Variants in NPIPA6 observed in about 807,000 individuals in gnomAD.
The protein encoded by NPIPA6 is nuclear pore complex interacting protein family, member A6.
chr16:16,343,638 C>T, the NPIPA6 span, among the ~76,000 whole-genome samples: 145 of 123,722 alleles, frequency 1.2e-3, no homozygotes, highest in African/African-American at 4.1e-3. Flanking sequence ...TCAGGTTATC[C>T]GCCTGCCTCG....
the NPIPA6 span, among the ~76,000 whole-genome samples, chr16:16,338,309 TA>T: frequency 1.1e-5 from 1 of 92,166 alleles, no homozygotes; most frequent in African/African-American, 5.4e-5. Context: ...CATAAGAGTC[TA>T]ATGGAATTAA....
At chr16:16,336,312 G>A in the NPIPA6 span, among the ~76,000 whole-genome samples, 2 of 18,198 alleles carry the variant, frequency 1.1e-4, no homozygotes, top group Non-Finnish European at 2.4e-4. Flanking sequence ...CTAAGGGAGG[G>A]CCCAGACCGA....
the NPIPA6 span, among the ~76,000 whole-genome samples, chr16:16,343,397 T>TA: frequency 0.023 from 293 of 12,922 alleles, 46 homozygotes; most frequent in African/African-American, 0.096. Context: ...GGCCTATATA[T>TA]TTTTTTTTTT....
At chr16:16,343,712 GTTGT>G in the NPIPA6 span, among the ~76,000 whole-genome samples, 6 of 103,334 alleles carry the variant, frequency 5.8e-5, no homozygotes, top group Admixed American at 1.0e-4. Context: ...ATTCTTGTGT[GTTGT>G]GTGTGTGTGT....
chr16:16,334,165 AC>A, the NPIPA6 span: 1 of 945,854 alleles, frequency 1.1e-6, no homozygotes, highest in Middle Eastern at 3.4e-4. Context: ...CTGCTCAGTG[AC>A]CCGTCCATTG....
the NPIPA6 span, among the ~76,000 whole-genome samples, chr16:16,333,400 T>TTAA: frequency 4.1e-5 from 3 of 72,464 alleles, no homozygotes; most frequent in African/African-American, 2.0e-4. Flanking sequence ...AGACTCCATC[T>TTAA]AAAAAAAAAA....
the NPIPA6 span, chr16:16,348,792 AT>A: frequency 3.5e-6 from 2 of 574,708 alleles, no homozygotes; most frequent in Non-Finnish European, 5.2e-6. Flanking sequence ...ACATGGATAC[AT>A]TTTTCTCCCT....
chr16:16,337,334 C>G, the NPIPA6 span: 1 of 88,394 alleles, frequency 1.1e-5, no homozygotes, highest in South Asian at 1.9e-4. Context: ...AAGCAATTGT[C>G]CTGCCTCAGC....
the NPIPA6 span, among the ~76,000 whole-genome samples, chr16:16,343,676 G>A: frequency 8.2e-6 from 1 of 122,504 alleles, no homozygotes; most frequent in Non-Finnish European, 1.7e-5. Flanking sequence ...GATTACAGGA[G>A]TGAGCCACCA....
the NPIPA6 span, chr16:16,331,980 G>C: frequency 2.7e-6 from 1 of 364,972 alleles, no homozygotes; most frequent in Non-Finnish European, 4.6e-6. Flanking sequence ...CCCGGAGCAA[G>C]GTGGGCTGGG....
the NPIPA6 span, among the ~76,000 whole-genome samples, chr16:16,343,715 GT>G: frequency 2.0e-5 from 1 of 48,984 alleles, no homozygotes; most frequent in Non-Finnish European, 4.5e-5. Context: ...CTTGTGTGTT[GT>G]GTGTGTGTGT....
the NPIPA6 span, among the ~76,000 whole-genome samples, chr16:16,343,369 G>T: frequency 1.2e-5 from 1 of 83,724 alleles, no homozygotes; most frequent in African/African-American, 5.1e-5. Flanking sequence ...GGGATTACAG[G>T]CGTGAGCTAC....
the NPIPA6 span, among the ~76,000 whole-genome samples, chr16:16,343,664 G>C: frequency 8.0e-6 from 1 of 124,492 alleles, no homozygotes; most frequent in Non-Finnish European, 1.6e-5. Context: ...CCAAAGTGCT[G>C]GGATTACAGG....
the NPIPA6 span, chr16:16,336,557 C>CA: frequency 5.1e-6 from 1 of 197,962 alleles, no homozygotes; most frequent in African/African-American, 4.4e-5. Context: ...TACTTCCCCC[C>CA]TTCCCCTCCC....
the NPIPA6 span, chr16:16,331,891 G>A: frequency 1.0e-5 from 5 of 479,116 alleles, no homozygotes; most frequent in East Asian, 5.2e-5. Context: ...GCTGAGCGTC[G>A]ACACAGTCGC....
At chr16:16,343,341 T>G in the NPIPA6 span, among the ~76,000 whole-genome samples, 1 of 103,618 alleles carries the variant, frequency 9.7e-6, no homozygotes, top group South Asian at 3.7e-4. Flanking sequence ...TTCACCCGCC[T>G]CGGCCTCCCA....
At chr16:16,343,352 A>C in the NPIPA6 span, among the ~76,000 whole-genome samples, 1 of 95,828 alleles carries the variant, frequency 1.0e-5, no homozygotes, top group Non-Finnish European at 2.1e-5. Context: ...CGGCCTCCCA[A>C]AGTGCTGGGA....
the NPIPA6 span, chr16:16,334,135 G>GA: frequency 1.2e-6 from 1 of 832,230 alleles, no homozygotes; most frequent in Non-Finnish European, 1.8e-6. Context: ...TCCAGCGAGG[G>GA]AACGCCCAGT....
chr16:16,343,125 ACT>A, the NPIPA6 span, among the ~76,000 whole-genome samples: 4 of 135,550 alleles, frequency 3.0e-5, no homozygotes, highest in African/African-American at 1.1e-4. Context: ...ACGGAGTCTC[ACT>A]CTGTCACCAG....
Sources: allele counts gnomAD v4.1 joint callset (sites outside exome capture counted in the v4.1 genomes callset), GRCh38; gene constraint gnomAD v4.1.1; transcripts MANE v1.5; gene names NCBI Gene and HGNC (gene_info 2026-07-23, HGNC 2026-07-21).